LRP1B: variants seen among roughly 807,000 people sequenced by gnomAD.
LRP1B encodes LDL receptor related protein 1B.
Under a neutral mutation model 556.6 loss-of-function variants are expected in LRP1B, and 217 were observed. The observed-to-expected ratio is 0.39, with a 90% CI of 0.35 to 0.44. LRP1B has a LOEUF of 0.44. LRP1B is among the 20% of genes least tolerant of loss of function. The pLI, the probability that LRP1B is intolerant of heterozygous loss-of-function variation, is 1.00. For synonymous variants in LRP1B, 2,047 were observed against 1,865.8 expected, an observed-to-expected ratio of 1.10 and a Z score of -2.50; for missense variants, 5,053 against 5,620.8, an observed-to-expected ratio of 0.90 and a Z score of 3.23.
chr2:142,130,715 G>T lies in LRP1B; in HGVS notation c.15C>A (p.Leu5=), dbSNP rs1448560379. 2 of 1,612,750 alleles carry T rather than the reference G, an allele frequency of 1.2e-6. No homozygotes were observed. The highest frequency in any genetic ancestry group is 2.2e-5 in the South Asian group (2 of 90,780). The part of the protein sequence containing the change: MSEF[L]LALLTLSGLL... Reference sequence around the variant, plus strand: ...ATCCCGAGAGAGTGAGTAAGGCGAGGAGAAACTCGGACATTGTGGTCGCCC... The same window carrying T: ...ATCCCGAGAGAGTGAGTAAGGCGAGTAGAAACTCGGACATTGTGGTCGCCC... The change falls in exon 1 of 91, where the codon CTC becomes CTA. Residue 5 remains leucine (L), a synonymous_variant. Coordinates refer to ENST00000389484, the MANE Select transcript of LRP1B (RefSeq NM_018557.3).
chr2:140,460,457 G>A (rs555742649), intron 60 of LRP1B, among the ~76,000 whole-genome samples: 13 of 152,226 alleles, frequency 8.5e-5, no homozygotes, highest in East Asian at 3.9e-4. Context: ...CTGAGATGTC[G>A]TTAAATTTAG....
chr2:141,607,746 G>T (rs1395667669), intron 2 of LRP1B, among the ~76,000 whole-genome samples: 1 of 151,904 alleles, frequency 6.6e-6, no homozygotes, highest in African/African-American at 2.4e-5. Flanking sequence ...AACATAGTGA[G>T]ACCTCATCCG....
At chr2:140,937,780 A>G (rs1255966300) in intron 20 of LRP1B, among the ~76,000 whole-genome samples, 1 of 152,060 alleles carries the variant, frequency 6.6e-6, no homozygotes, top group Non-Finnish European at 1.5e-5. Context: ...TATGATATAG[A>G]TTAGAAGTCA....
chr2:141,480,229 T>C (rs1682869423), intron 3 of LRP1B, 167 bp downstream of exon 3: 1 of 715,322 alleles, frequency 1.4e-6, no homozygotes, highest in East Asian at 2.8e-5. Context: ...AACATAATAC[T>C]TGCAGCTTTG....
intron 3 of LRP1B, among the ~76,000 whole-genome samples, chr2:141,300,962 A>C (rs994123765): frequency 6.6e-6 from 1 of 152,218 alleles, no homozygotes; most frequent in African/African-American, 2.4e-5. Context: ...AAGAATAATA[A>C]ATATAAAATA....
At chr2:141,172,487 A>G (rs1162709349) in intron 7 of LRP1B, among the ~76,000 whole-genome samples, 1 of 152,050 alleles carries the variant, frequency 6.6e-6, no homozygotes, top group Non-Finnish European at 1.5e-5. Context: ...AATCTTACTG[A>G]CTAAAATGAA....
intron 37 of LRP1B, 68 bp downstream of exon 37, chr2:140,715,905 G>T: frequency 2.3e-6 from 3 of 1,302,262 alleles, no homozygotes; most frequent in Non-Finnish European, 2.1e-6. Flanking sequence ...AAAGTAATTA[G>T]TTTTTTTTCA....
chr2:141,043,701 A>C (rs1162909920), intron 11 of LRP1B, among the ~76,000 whole-genome samples: 1 of 152,048 alleles, frequency 6.6e-6, no homozygotes, highest in African/African-American at 2.4e-5. Flanking sequence ...ACAGTTTAAA[A>C]ACAAGTACTG....
chr2:142,015,721 C>T lies in LRP1B; in HGVS notation c.82+114927G>A, dbSNP rs1247410233. On this transcript the variant is annotated intron_variant, in intron 1 of 90. Transcript: ENST00000389484. ...AAAAAGTGGGTGAAGGGGCCAGGCA[C>T]AGTGGCTCACGTCTGTAATCCCAGC... Among the ~76,000 whole-genome samples the T allele has an allele frequency of 5.9e-5, 9 of 152,142 alleles. No homozygotes were observed. In the East Asian group the frequency reaches 1.6e-3, roughly 26 times the overall value.
At chr2:141,755,517 C>T (rs2105579263) in intron 2 of LRP1B, among the ~76,000 whole-genome samples, 1 of 152,154 alleles carries the variant, frequency 6.6e-6, no homozygotes, top group East Asian at 1.9e-4. Context: ...TATTACTACT[C>T]AGTCTTGGCA....
chr2:140,513,297 C>T (rs1338994215), intron 51 of LRP1B, among the ~76,000 whole-genome samples: 1 of 151,948 alleles, frequency 6.6e-6, no homozygotes, highest in Non-Finnish European at 1.5e-5. Flanking sequence ...AGACTTTGCC[C>T]CTATAATACT....
At chr2:140,962,035 C>A (rs1446346464) in intron 18 of LRP1B, among the ~76,000 whole-genome samples, 1 of 152,008 alleles carries the variant, frequency 6.6e-6, no homozygotes, top group Non-Finnish European at 1.5e-5. Context: ...ATGTATTATC[C>A]GACTTTCTTT....
chr2:141,797,183 AT>A lies in LRP1B; in HGVS notation c.205+13095del, dbSNP rs1695850834. Among the ~76,000 whole-genome samples, 5 of 136,798 alleles carry A rather than the reference AT, an allele frequency of 3.7e-5. No individual in the cohort carries two copies. The South Asian group carries it at 1.1e-3, about 31-fold the overall frequency. The allele number at this position is 136,798 out of a possible 152,430, so 89.7% of individuals were successfully genotyped here. A position where few individuals can be genotyped will look rare whatever the true frequency, so the allele number is the denominator to read the frequency against. On this transcript the variant is annotated intron_variant, in intron 2 of 90. Coordinates refer to ENST00000389484, the MANE Select transcript of LRP1B (RefSeq NM_018557.3). ...TATATATATATATATATATATATATATATAACTATATATATCTTCAGGGAAT... is the reference window on the plus strand; with the variant it reads ...TATATATATATATATATATATATATAATAACTATATATATCTTCAGGGAAT...
chr2:140,809,626 A>G (rs914808290), intron 32 of LRP1B, among the ~76,000 whole-genome samples: 1 of 152,206 alleles, frequency 6.6e-6, no homozygotes, highest in African/African-American at 2.4e-5. Flanking sequence ...GTGGGTAAAC[A>G]TATGAATTAA....
intron 77 of LRP1B, among the ~76,000 whole-genome samples, chr2:140,341,512 G>A (rs1174443838): frequency 2.0e-5 from 3 of 151,316 alleles, no homozygotes; most frequent in African/African-American, 7.3e-5. Flanking sequence ...CATTCTCCAG[G>A]TGATAATAAG....
At chr2:141,610,570 C>T (rs992262557) in intron 2 of LRP1B, among the ~76,000 whole-genome samples, 1 of 152,116 alleles carries the variant, frequency 6.6e-6, no homozygotes, top group African/African-American at 2.4e-5. Context: ...CCTGCCCTTT[C>T]TACCATAAGG....
chr2:141,878,671 ACCTT>A (rs1698852656), intron 1 of LRP1B, among the ~76,000 whole-genome samples: 1 of 151,988 alleles, frequency 6.6e-6, no homozygotes, highest in Non-Finnish European at 1.5e-5. Context: ...CTTTCCTAGT[ACCTT>A]CCTTATTAAT....
chr2:141,671,483 G>A (rs552400079), intron 2 of LRP1B, among the ~76,000 whole-genome samples: 1 of 152,270 alleles, frequency 6.6e-6, no homozygotes, highest in African/African-American at 2.4e-5. Flanking sequence ...TGAAATGTAA[G>A]TTAAGCCTGG....
intron 7 of LRP1B, among the ~76,000 whole-genome samples, chr2:141,146,273 C>T (rs908255720): frequency 1.3e-5 from 2 of 152,126 alleles, no homozygotes; most frequent in African/African-American, 4.8e-5. Flanking sequence ...CCTCCCATGC[C>T]GGGTTCACTC....
Sources: gnomAD v4.1 joint callset for allele counts (sites outside exome capture counted in the v4.1 genomes callset) on GRCh38, gnomAD v4.1.1 for gene constraint, MANE v1.5 for transcripts, NCBI Gene and HGNC (gene_info 2026-07-23, HGNC 2026-07-21) for gene names.